The following TLN2 variants were observed in gnomAD, a reference collection of about 807,000 sequenced individuals.
TLN2 encodes talin 2.
A neutral mutation model predicts 294.7 loss-of-function variants in TLN2; 118 were observed. That is an observed-to-expected ratio of 0.40 (90% CI 0.34 to 0.47). The LOEUF is 0.47. TLN2 is among the 20% of genes least tolerant of loss of function. TLN2 has a pLI of 0.84. For synonymous variants in TLN2, 1,431 were observed against 1,304.5 expected (o/e 1.10, Z -2.09); for missense variants, 3,083 against 3,282.2 (o/e 0.94, Z 1.48).
chr15:62,797,519 A>T (rs2065585611), intron 48 of TLN2, 117 bp downstream of exon 48: 9 of 1,228,626 alleles, frequency 7.3e-6, no homozygotes, highest in Non-Finnish European at 8.8e-6. Flanking sequence ...TGTGTGTGTG[A>T]GTGTGTCTGG....
chr15:62,669,443 G>C (rs1229698190), intron 9 of TLN2, among the ~76,000 whole-genome samples: 1 of 152,200 alleles, frequency 6.6e-6, no homozygotes, highest in East Asian at 1.9e-4. Flanking sequence ...TACTGGAATA[G>C]AGGATCTGCT....
At chr15:62,451,801 T>C (rs1279376808) in intron 1 of TLN2, among the ~76,000 whole-genome samples, 1 of 152,216 alleles carries the variant, frequency 6.6e-6, no homozygotes, top group East Asian at 1.9e-4. Context: ...GCTTTCTGCC[T>C]TTGACTCTGT....
intron 2 of TLN2, among the ~76,000 whole-genome samples, chr15:62,594,951 A>G (rs771211736): frequency 6.6e-6 from 1 of 152,258 alleles, no homozygotes; most frequent in Non-Finnish European, 1.5e-5. Flanking sequence ...AACAATAGTA[A>G]GAAAACAACC....
At chr15:62,458,988 G>A (rs2036639672) in intron 1 of TLN2, among the ~76,000 whole-genome samples, 1 of 151,834 alleles carries the variant, frequency 6.6e-6, no homozygotes, top group African/African-American at 2.4e-5. Flanking sequence ...TATGTGGAAA[G>A]CAGTAGACTC....
At chr15:62,631,543 TTTCCA>T (rs757168799) in intron 3 of TLN2, among the ~76,000 whole-genome samples, 30,010 of 83,156 alleles carry the variant, frequency 0.36, 6,111 homozygotes, top group African/African-American at 0.44. Context: ...TTTCCTTTCC[TTTCCA>T]TTCCTTTCCT....
intron 46 of TLN2, among the ~76,000 whole-genome samples, chr15:62,794,307 C>T (rs942819124): frequency 6.6e-6 from 1 of 152,180 alleles, no homozygotes; most frequent in African/African-American, 2.4e-5. Context: ...TCCCTGTCCT[C>T]TATGCCTTGT....
At chr15:62,812,256 C>T (rs888296763) in intron 52 of TLN2, among the ~76,000 whole-genome samples, 5 of 152,134 alleles carry the variant, frequency 3.3e-5, no homozygotes, top group Non-Finnish European at 7.4e-5. Context: ...CCTCGTATTT[C>T]CATTTCACTT....
intron 1 of TLN2, among the ~76,000 whole-genome samples, chr15:62,582,254 G>GCACACACACACACACACACA (rs2045185246): frequency 2.5e-5 from 1 of 39,850 alleles, no homozygotes. Context: ...ACACATTCAT[G>GCACACACACACACACACACA]CCTGACCCAT....
rs532282378 is a variant in TLN2 at position 62,689,136 on chromosome 15, G to T, written c.1113+2340G>T. Reference sequence around the variant, plus strand: ...CCTTTTTAGAGTTTGTTTGCTTTGTGTGTTACGTTTTGAGCATATCACTTT... The same window carrying T: ...CCTTTTTAGAGTTTGTTTGCTTTGTTTGTTACGTTTTGAGCATATCACTTT... On this transcript the variant is annotated intron_variant, in intron 12 of 58. Transcript: ENST00000636159. Among the ~76,000 whole-genome samples the T allele has an allele frequency of 2.7e-4, 36 of 131,570 alleles. 1 individual carries two copies. Among genetic ancestry groups the T allele is most frequent in the Non-Finnish European group, 5.1e-4 (32 of 62,596 alleles). 86.3% of individuals were successfully genotyped at this position (131,570 alleles called of 152,430 possible). A position where few individuals can be genotyped will look rare whatever the true frequency, so the allele number is the denominator to read the frequency against.
At chr15:62,432,152 T>C (rs2035044449) in intron 1 of TLN2, among the ~76,000 whole-genome samples, 1 of 152,260 alleles carries the variant, frequency 6.6e-6, no homozygotes, top group Non-Finnish European at 1.5e-5. Context: ...TTTATTAGTG[T>C]ATCTTTATTA....
intron 1 of TLN2, among the ~76,000 whole-genome samples, chr15:62,399,115 A>G (rs1195954680): frequency 1.3e-5 from 2 of 152,038 alleles, no homozygotes; most frequent in Admixed American, 6.5e-5. Flanking sequence ...GGCAGCTTCC[A>G]GTTGATGTTG....
intron 50 of TLN2, among the ~76,000 whole-genome samples, chr15:62,805,052 C>G (rs2066180537): frequency 1.3e-5 from 2 of 152,146 alleles, no homozygotes; most frequent in Non-Finnish European, 2.9e-5. Context: ...CCATGGCGCA[C>G]TCGACGTGAA....
At chr15:62,598,604 C>T (rs141524749) in intron 2 of TLN2, among the ~76,000 whole-genome samples, 102 of 152,088 alleles carry the variant, frequency 6.7e-4, no homozygotes, top group African/African-American at 2.3e-3. Context: ...ATTGTATTTC[C>T]TCATAGCCTG....
At chr15:62,528,099 GTTTATT>G (rs1204999578) in intron 1 of TLN2, among the ~76,000 whole-genome samples, 1 of 152,042 alleles carries the variant, frequency 6.6e-6, no homozygotes, top group African/African-American at 2.4e-5. Flanking sequence ...ATTAAAATTA[GTTTATT>G]TTTATATAGT....
intron 1 of TLN2, among the ~76,000 whole-genome samples, chr15:62,432,665 T>A (rs1403143155): frequency 6.6e-6 from 1 of 152,224 alleles, no homozygotes; most frequent in African/African-American, 2.4e-5. Context: ...GTTTGGGTTC[T>A]TAGAGGTGAA....
intron 45 of TLN2, among the ~76,000 whole-genome samples, chr15:62,787,762 G>A (rs1449379763): frequency 9.8e-5 from 14 of 142,606 alleles, no homozygotes; most frequent in African/African-American, 2.4e-4. Flanking sequence ...GTGTGATCTC[G>A]GCTCACTGCA....
At chr15:62,535,512 C>T (rs1164425223) in intron 1 of TLN2, among the ~76,000 whole-genome samples, 2 of 151,408 alleles carry the variant, frequency 1.3e-5, no homozygotes, top group African/African-American at 4.9e-5. Context: ...CCAGGTAATT[C>T]TGGTATTTAG....
At chr15:62,672,305 C>G (rs1213344884) in intron 9 of TLN2, among the ~76,000 whole-genome samples, 1 of 152,170 alleles carries the variant, frequency 6.6e-6, no homozygotes, top group Non-Finnish European at 1.5e-5. Context: ...TTAGCAGTCT[C>G]TTAAGGTGAC....
chr15:62,832,373 T>G (rs2068958133), intron 54 of TLN2: 1 of 152,214 alleles, frequency 6.6e-6, no homozygotes, highest in African/African-American at 2.4e-5. Context: ...TCTTCAACAC[T>G]GTGTGACCTG....
Sources: gnomAD v4.1 joint callset for allele counts (sites outside exome capture counted in the v4.1 genomes callset) on GRCh38, gnomAD v4.1.1 for gene constraint, MANE v1.5 for transcripts, NCBI Gene and HGNC (gene_info 2026-07-23, HGNC 2026-07-21) for gene names.